Variants in CTNNA2 observed in about 807,000 individuals in gnomAD.
CTNNA2 encodes catenin alpha 2.
CTNNA2 carries 42 observed loss-of-function variants against 101.0 expected under a neutral mutation model. That is an observed-to-expected ratio of 0.42 (90% CI 0.32 to 0.54). The LOEUF is 0.54. Ranked by LOEUF, CTNNA2 falls within the 20% of genes least tolerant of loss-of-function variation. The pLI, the probability that CTNNA2 is intolerant of heterozygous loss-of-function variation, is 0.14. For synonymous variants in CTNNA2, 450 were observed against 456.4 expected (o/e 0.99, Z 0.18); for missense variants, 871 against 1,223.1 (o/e 0.71, Z 4.29).
chr2:79,556,202 A>G (rs183802653), intron 1 of CTNNA2, among the ~76,000 whole-genome samples: 3 of 152,186 alleles, frequency 2.0e-5, no homozygotes, highest in East Asian at 1.9e-4. Context: ...ATAGATTTAT[A>G]TTGAACCCTC....
At chr2:80,591,360 G>A (rs1696473636) in intron 15 of CTNNA2, among the ~76,000 whole-genome samples, 1 of 150,988 alleles carries the variant, frequency 6.6e-6, no homozygotes, top group Admixed American at 6.6e-5. Context: ...AAAGGGAGGA[G>A]TATAGTAATG....
rs753633073 is a variant in CTNNA2, at chr2:79,311,408, C to CAAAAA, written c.-405-1283_-405-1279dup. The stretch of plus-strand genomic sequence containing the variant: ...TGGGCGACAGGGCTAGACTCCGTCT[C>CAAAAA]AAAAAAAAAAAAAAAAAAAAAAGAG... On this transcript the variant is annotated intron_variant, in intron 2 of 21. Transcript: ENST00000466387. Among the ~76,000 whole-genome samples, 292 of 66,976 alleles carry CAAAAA rather than the reference C, an allele frequency of 4.4e-3. 3 individuals carry two copies. The highest frequency in any genetic ancestry group is 7.2e-3 in the African/African-American group (135 of 18,790). 43.9% of individuals were successfully genotyped at this position (66,976 alleles called of 152,430 possible).
At chr2:80,208,683 T>A (rs945896372) in intron 7 of CTNNA2, among the ~76,000 whole-genome samples, 1 of 152,212 alleles carries the variant, frequency 6.6e-6, no homozygotes, top group African/African-American at 2.4e-5. Context: ...GCCTCAGGCA[T>A]AGCTATATGA....
At chr2:80,561,441 A>T (rs1174133543) in intron 12 of CTNNA2, among the ~76,000 whole-genome samples, 1 of 152,186 alleles carries the variant, frequency 6.6e-6, no homozygotes, top group Non-Finnish European at 1.5e-5. Context: ...ATTTTTCCTA[A>T]AAGCAAATGC....
intron 7 of CTNNA2, among the ~76,000 whole-genome samples, chr2:80,007,312 T>C (rs569343607): frequency 6.6e-6 from 1 of 152,076 alleles, no homozygotes; most frequent in African/African-American, 2.4e-5. Context: ...TGTATCCAAG[T>C]TTTTCCTTTT....
At chr2:79,474,787 A>G (rs1671034421) in intron 4 of CTNNA2, among the ~76,000 whole-genome samples, 2 of 152,178 alleles carry the variant, frequency 1.3e-5, no homozygotes, top group Admixed American at 6.5e-5. Context: ...CATCAATTCA[A>G]TTAGGTTGCT....
At chr2:79,949,257 A>T (rs991910783) in intron 7 of CTNNA2, among the ~76,000 whole-genome samples, 5 of 152,116 alleles carry the variant, frequency 3.3e-5, no homozygotes, top group African/African-American at 4.8e-5. Context: ...CCTTGTTTAG[A>T]TTTGATGAAG....
chr2:79,340,648 A>C (rs1290873210), intron 3 of CTNNA2, among the ~76,000 whole-genome samples: 1 of 152,064 alleles, frequency 6.6e-6, no homozygotes, highest in Non-Finnish European at 1.5e-5. Context: ...CCTGGCTAAC[A>C]CGGTGAAACC....
At chr2:79,895,691 AATTT>A (rs1490953403) in intron 6 of CTNNA2, among the ~76,000 whole-genome samples, 3 of 107,764 alleles carry the variant, frequency 2.8e-5, no homozygotes, top group Admixed American at 1.8e-4. Flanking sequence ...GAAATTTCTT[AATTT>A]TTTTTTTTTT....
intron 1 of CTNNA2, among the ~76,000 whole-genome samples, chr2:79,647,912 A>G (rs1242884505): frequency 1.3e-5 from 2 of 152,188 alleles, no homozygotes; most frequent in Non-Finnish European, 2.9e-5. Flanking sequence ...TTGGACCAGT[A>G]GGTTATATGT....
intron 7 of CTNNA2, among the ~76,000 whole-genome samples, chr2:80,219,970 T>C (rs1708485203): frequency 6.6e-6 from 1 of 152,088 alleles, no homozygotes; most frequent in Admixed American, 6.6e-5. Flanking sequence ...GTACATTAAA[T>C]TGAAACAAAC....
chr2:80,502,163 C>A (rs192097762), intron 9 of CTNNA2, among the ~76,000 whole-genome samples: 1 of 152,286 alleles, frequency 6.6e-6, no homozygotes, highest in East Asian at 1.9e-4. Flanking sequence ...AGCAGTGCTC[C>A]TCCTCACACA....
intron 1 of CTNNA2, among the ~76,000 whole-genome samples, chr2:79,569,668 G>T (rs145864780): frequency 6.6e-6 from 1 of 152,116 alleles, no homozygotes; most frequent in Non-Finnish European, 1.5e-5. Flanking sequence ...CTTAAGTGTG[G>T]TATTTGCACT....
chr2:80,379,729 C>T (rs1157567987), intron 7 of CTNNA2, among the ~76,000 whole-genome samples: 1 of 152,086 alleles, frequency 6.6e-6, no homozygotes, highest in Non-Finnish European at 1.5e-5. Context: ...CCTCCTGTTT[C>T]AAGAATTTAT....
At chr2:79,754,169 A>C (rs909337297) in intron 3 of CTNNA2, among the ~76,000 whole-genome samples, 2 of 152,000 alleles carry the variant, frequency 1.3e-5, no homozygotes, top group Non-Finnish European at 2.9e-5. Context: ...GCCTGGCCTC[A>C]CTATTTCATT....
At chr2:79,651,877 A>G (rs943143036) in intron 2 of CTNNA2, among the ~76,000 whole-genome samples, 6 of 152,170 alleles carry the variant, frequency 3.9e-5, no homozygotes, top group Non-Finnish European at 8.8e-5. Context: ...AATTAAGTTG[A>G]TGAGATAATT....
At chr2:79,653,173 A>G (rs1306046240) in intron 2 of CTNNA2, among the ~76,000 whole-genome samples, 1 of 152,166 alleles carries the variant, frequency 6.6e-6, no homozygotes, top group African/African-American at 2.4e-5. Flanking sequence ...AAGGCCTGTG[A>G]ATAATCCTCT....
intron 2 of CTNNA2, among the ~76,000 whole-genome samples, chr2:79,279,422 G>T (rs1221816540): frequency 6.6e-6 from 1 of 152,022 alleles, no homozygotes; most frequent in African/African-American, 2.4e-5. Context: ...ATTAGATGGG[G>T]TCTGCGCAGG....
chr2:79,982,502 T>C (rs199725601), intron 7 of CTNNA2, among the ~76,000 whole-genome samples: 5 of 124,108 alleles, frequency 4.0e-5, no homozygotes, highest in South Asian at 2.6e-4. Flanking sequence ...CACACACACA[T>C]GCACGCACAC....
Sources: gnomAD v4.1 joint callset for allele counts (sites outside exome capture counted in the v4.1 genomes callset) on GRCh38, gnomAD v4.1.1 for gene constraint, MANE v1.5 for transcripts, NCBI Gene and HGNC (gene_info 2026-07-23, HGNC 2026-07-21) for gene names.